Variants in AGBL1 observed in about 807,000 individuals in gnomAD.
The protein encoded by AGBL1 is AGBL carboxypeptidase 1, also known as cytosolic carboxypeptidase 4.
In AGBL1, 130 loss-of-function variants were observed where a neutral mutation model predicts 118.9. The observed-to-expected ratio is 1.09, with a 90% confidence interval of 0.95 to 1.26. The LOEUF (loss-of-function observed/expected upper bound fraction) is 1.26, where lower values mean the gene tolerates loss of function less well. Ranked by LOEUF, AGBL1 falls within the 50% of genes most tolerant of loss-of-function variation. The probability of loss-of-function intolerance (pLI) is 0.00; values close to 1 mark genes in which losing one functional copy is unlikely to be tolerated. For missense variants in AGBL1, 1,584 were observed against 1,298.1 expected (o/e 1.22, Z -3.38); for synonymous variants, 555 against 478.9 (o/e 1.16, Z -2.08).
intron 22 of AGBL1, among the ~76,000 whole-genome samples, chr15:86,743,209 G>C (rs879759424): frequency 2.0e-5 from 3 of 151,804 alleles, no homozygotes; most frequent in African/African-American, 4.8e-5. Context: ...TGTAATTTAC[G>C]TATCTTAAAA....
At chr15:87,017,164 G>A (rs2081615224) in intron 24 of AGBL1, among the ~76,000 whole-genome samples, 1 of 152,128 alleles carries the variant, frequency 6.6e-6, no homozygotes. Context: ...CAGAGGGGTG[G>A]CTGCCATTCT....
rs1053894200 is a variant in AGBL1, at chr15:86,134,610, T to C, written c.52-7394T>C. On this transcript the variant is annotated intron_variant, in intron 1 of 22. Coordinates refer to ENST00000614907, the MANE Select transcript of AGBL1 (RefSeq NM_001386094.1). ...TGTGATGGATCAATGGTGCCTTTTT[T>C]TTTTTTTTTTTTTTTTTTTTTGAGA... is the stretch of plus-strand genomic sequence containing the variant. Among the ~76,000 whole-genome samples, 261 of 47,388 alleles carry C rather than the reference T, an allele frequency of 5.5e-3. 7 individuals are homozygous for C. Among genetic ancestry groups the C allele is most frequent in the East Asian group, 0.03 (54 of 1,824 alleles). 31.1% of individuals were successfully genotyped at this position (47,388 alleles called of 152,430 possible).
chr15:86,743,699 A>G (rs1333738991), intron 22 of AGBL1, among the ~76,000 whole-genome samples: 1 of 152,148 alleles, frequency 6.6e-6, no homozygotes, highest in African/African-American at 2.4e-5. Context: ...GAAGACCCCA[A>G]GGGGATTCTG....
At chr15:86,208,684 A>G (rs1205342233) in intron 5 of AGBL1, among the ~76,000 whole-genome samples, 1 of 151,696 alleles carries the variant, frequency 6.6e-6, no homozygotes, top group Admixed American at 6.6e-5. Flanking sequence ...ATCATTTTTT[A>G]TTGTGTCTAT....
At chr15:86,943,744 A>C (rs1249417507) in intron 23 of AGBL1, among the ~76,000 whole-genome samples, 3 of 152,172 alleles carry the variant, frequency 2.0e-5, no homozygotes, top group Admixed American at 6.5e-5. Flanking sequence ...AGCTGCTGGC[A>C]TTTCCCTATG....
intron 17 of AGBL1, among the ~76,000 whole-genome samples, chr15:86,391,496 G>T (rs1194832401): frequency 6.6e-6 from 1 of 151,234 alleles, no homozygotes; most frequent in Admixed American, 6.6e-5. Flanking sequence ...TTCTAGGATT[G>T]CTGGACTTCA....
chr15:86,264,544 ACATTC>A lies in AGBL1; in HGVS notation c.1374_1378del (p.Asp458GlufsTer25). Reference sequence around the variant, plus strand: ...GATTCTTCTGAAAGTGAAATCCCTGACATTCAGGCTTCCCCGAAAGCAGATGCCTG... The same window carrying A: ...GATTCTTCTGAAAGTGAAATCCCTGAAGGCTTCCCCGAAAGCAGATGCCTG... On this transcript the variant is annotated frameshift_variant, in exon 11 of 23. Coordinates refer to ENST00000614907, the MANE Select transcript of AGBL1 (RefSeq NM_001386094.1). LOFTEE classifies it high-confidence loss of function. The A allele has an allele frequency of 2.5e-6, 4 of 1,614,046 alleles. No individual in the cohort carries two copies. Among genetic ancestry groups the A allele is most frequent in the Non-Finnish European group, 3.4e-6 (4 of 1,179,892 alleles).
chr15:86,167,462 T>G (rs966262061), intron 5 of AGBL1, among the ~76,000 whole-genome samples: 2 of 152,164 alleles, frequency 1.3e-5, no homozygotes, highest in Non-Finnish European at 2.9e-5. Context: ...GCCAGGCTGA[T>G]CTTGAACTCC....
chr15:86,724,964 GTTTC>G (rs1435195654), intron 22 of AGBL1, among the ~76,000 whole-genome samples: 3 of 152,148 alleles, frequency 2.0e-5, no homozygotes, highest in Admixed American at 2.0e-4. Flanking sequence ...ATTAAACCTT[GTTTC>G]TTTATAAATA....
At chr15:86,265,487 T>G (rs2079057088) in intron 11 of AGBL1, among the ~76,000 whole-genome samples, 1 of 152,200 alleles carries the variant, frequency 6.6e-6, no homozygotes, top group South Asian at 2.1e-4. Context: ...GAAAACATTA[T>G]TCTCCTTGAA....
chr15:86,950,010 C>A (rs971382886), intron 23 of AGBL1, among the ~76,000 whole-genome samples: 1 of 151,768 alleles, frequency 6.6e-6, no homozygotes, highest in Non-Finnish European at 1.5e-5. Context: ...AATTATCAGC[C>A]GTTTGGAAAC....
chr15:86,569,326 T>A (rs1241796586), intron 21 of AGBL1, among the ~76,000 whole-genome samples: 1 of 150,764 alleles, frequency 6.6e-6, no homozygotes, highest in African/African-American at 2.4e-5. Flanking sequence ...AGCTACTTGG[T>A]AGGCTGAGGT....
intron 22 of AGBL1, among the ~76,000 whole-genome samples, chr15:86,727,422 A>G (rs949443093): frequency 6.6e-6 from 1 of 152,132 alleles, no homozygotes. Context: ...AATTTTTTTT[A>G]AATTTTAGTT....
At chr15:86,848,178 G>T (rs1419076477) in intron 22 of AGBL1, among the ~76,000 whole-genome samples, 1 of 152,138 alleles carries the variant, frequency 6.6e-6, no homozygotes, top group East Asian at 1.9e-4. Context: ...AAGAATGCCA[G>T]ACTTCCCATT....
chr15:86,521,284 G>A (rs986164323), intron 18 of AGBL1, among the ~76,000 whole-genome samples: 5 of 152,158 alleles, frequency 3.3e-5, no homozygotes, highest in African/African-American at 1.2e-4. Flanking sequence ...AAAACACTGT[G>A]TTTCAAACAA....
rs563705134 is a variant in AGBL1 at position 86,780,827 on chromosome 15, C to A, written c.3158+106391C>A. 2.6e-5 allele frequency among the ~76,000 whole-genome samples: 4 copies of A among 152,060 alleles called. No homozygotes were observed. In the South Asian group the frequency reaches 6.3e-4, roughly 24 times the overall value. ...GGATTACAGGCATGTGCCACCACACCTGGCTAATTTTTGTATTTTTAGTAG... is the reference window on the plus strand; with the variant it reads ...GGATTACAGGCATGTGCCACCACACATGGCTAATTTTTGTATTTTTAGTAG... On this transcript the variant is annotated intron_variant, in intron 22 of 22. Transcript: ENST00000614907.
intron 5 of AGBL1, among the ~76,000 whole-genome samples, chr15:86,174,766 A>G (rs545694943): frequency 1.5e-4 from 23 of 152,216 alleles, no homozygotes; most frequent in African/African-American, 5.3e-4. Flanking sequence ...TATGGTTTTT[A>G]TCTTCCATTC....
At chr15:86,976,769 G>C (rs921882427) in intron 23 of AGBL1, among the ~76,000 whole-genome samples, 1 of 151,602 alleles carries the variant, frequency 6.6e-6, no homozygotes. Context: ...CAAAAAGAGT[G>C]GAATTTATAC....
chr15:86,729,437 C>T (rs1239396144), intron 22 of AGBL1, among the ~76,000 whole-genome samples: 1 of 152,144 alleles, frequency 6.6e-6, no homozygotes, highest in Non-Finnish European at 1.5e-5. Flanking sequence ...CTGCTTTCCC[C>T]ACTTTAGTAG....
Sources: allele counts gnomAD v4.1 joint callset (sites outside exome capture counted in the v4.1 genomes callset), GRCh38; gene constraint gnomAD v4.1.1; transcripts MANE v1.5; gene names NCBI Gene and HGNC (gene_info 2026-07-23, HGNC 2026-07-21).